Variants in EIF2S3B observed in about 807,000 individuals in gnomAD.
EIF2S3B encodes the protein eukaryotic translation initiation factor 2 subunit gamma B, also known as eukaryotic translation initiation factor 2 subunit 3B.
A neutral mutation model predicts 26.4 loss-of-function variants in EIF2S3B; 16 were observed. The observed-to-expected ratio is 0.61, with a 90% CI of 0.41 to 0.92. The LOEUF (loss-of-function observed/expected upper bound fraction) is 0.92. EIF2S3B is among the 40% of genes least tolerant of loss of function. EIF2S3B has a pLI of 0.00. For synonymous variants in EIF2S3B, 183 were observed against 204.4 expected, an observed-to-expected ratio of 0.90 and a Z score of 0.89; for missense variants, 510 against 575.5, an observed-to-expected ratio of 0.89 and a Z score of 1.16.
chr12:10,509,885 C>A (rs551989121), downstream of EIF2S3B, among the ~76,000 whole-genome samples: 2 of 152,084 alleles, frequency 1.3e-5, no homozygotes, highest in Admixed American at 1.3e-4. Flanking sequence ...TTTATGGGCA[C>A]ATAAAGAACA....
Position 10,507,336 on chromosome 12 carries a change from A to G in EIF2S3B, c.*15A>G. ...ATGATGACTGAAGAATACCGGTTAA[A>G]TAATACATTCGGATGGAGCTGGAAG... On this transcript the variant is annotated 3_prime_UTR_variant, in exon 1 of 1. Transcript: ENST00000538173. 1.4e-5 allele frequency: 23 copies of G among 1,612,448 alleles called. No individual in the cohort carries two copies. The highest frequency in any genetic ancestry group is 2.0e-5 in the Non-Finnish European group (23 of 1,178,428).
chr12:10,516,482 C>CTATT (rs140362362), intron 1 of EIF2S3B, among the ~76,000 whole-genome samples: 21,722 of 152,006 alleles, frequency 0.14, 1,580 homozygotes, highest in Middle Eastern at 0.17. Context: ...ATTAAAATCA[C>CTATT]TATGCTGATC....
At chr12:10,522,318 G>C (rs1422057472) in intron 1 of EIF2S3B, among the ~76,000 whole-genome samples, 2 of 152,106 alleles carry the variant, frequency 1.3e-5, no homozygotes, top group Non-Finnish European at 2.9e-5. Context: ...ATTAGTGACA[G>C]AGTGAGATCC....
chr12:10,516,095 G>T (rs1915325), intron 1 of EIF2S3B, among the ~76,000 whole-genome samples: 1 of 151,510 alleles, frequency 6.6e-6, no homozygotes, highest in Non-Finnish European at 1.5e-5. Context: ...TGTAATCACA[G>T]CTATATGCTC....
At chr12:10,519,373 G>C in intron 1 of EIF2S3B, among the ~76,000 whole-genome samples, 1 of 151,720 alleles carries the variant, frequency 6.6e-6, no homozygotes, top group African/African-American at 2.4e-5. Flanking sequence ...ATGGATTAAA[G>C]ACTTAAACGT....
chr12:10,511,412 C>T (rs897924445), downstream of EIF2S3B, among the ~76,000 whole-genome samples: 3 of 152,074 alleles, frequency 2.0e-5, no homozygotes, highest in Admixed American at 1.3e-4. Flanking sequence ...CTGCATTAAC[C>T]TCTTCAAGTG....
At chr12:10,519,834 G>A (rs1253879194) in intron 1 of EIF2S3B, among the ~76,000 whole-genome samples, 2 of 151,370 alleles carry the variant, frequency 1.3e-5, no homozygotes. Context: ...CAGTTAGAAT[G>A]GCAATCATTA....
chr12:10,517,840 C>T (rs1272413505), intron 1 of EIF2S3B, among the ~76,000 whole-genome samples: 4 of 152,088 alleles, frequency 2.6e-5, no homozygotes, highest in Admixed American at 1.3e-4. Flanking sequence ...CAAAGAACAT[C>T]TTTATTTCTG....
chr12:10,520,177 G>GC (rs1318269803), intron 1 of EIF2S3B, among the ~76,000 whole-genome samples: 2 of 151,504 alleles, frequency 1.3e-5, no homozygotes, highest in Admixed American at 6.6e-5. Context: ...ATACTATGCA[G>GC]CCATAAAAAA....
chr12:10,511,288 G>C (rs189173635), downstream of EIF2S3B, among the ~76,000 whole-genome samples: 1 of 151,962 alleles, frequency 6.6e-6, no homozygotes, highest in East Asian at 1.9e-4. Context: ...TCATGAATGG[G>C]TTTAATGGAA....
chr12:10,519,580 A>G (rs999509844), intron 1 of EIF2S3B, among the ~76,000 whole-genome samples: 49 of 152,046 alleles, frequency 3.2e-4, no homozygotes, highest in Non-Finnish European at 5.6e-4. Flanking sequence ...GCAACCTACA[A>G]AATGGGAGAA....
downstream of EIF2S3B, among the ~76,000 whole-genome samples, chr12:10,512,212 T>G (rs868615870): frequency 6.6e-6 from 1 of 152,164 alleles, no homozygotes; most frequent in Non-Finnish European, 1.5e-5. Flanking sequence ...CTTTATAATT[T>G]TGGCAGGACA....
intron 1 of EIF2S3B, among the ~76,000 whole-genome samples, chr12:10,515,557 G>A (rs1490006862): frequency 1.3e-5 from 2 of 151,918 alleles, no homozygotes; most frequent in Non-Finnish European, 2.9e-5. Flanking sequence ...CCCAGGAATT[G>A]TTGGCAATTA....
At chr12:10,508,525 CAAAAAAAAAAAAAAA>C, downstream of EIF2S3B, among the ~76,000 whole-genome samples, 1 of 62,972 alleles carries the variant, frequency 1.6e-5, no homozygotes, top group South Asian at 7.0e-4. Flanking sequence ...TGTTAGAAAG[CAAAAAAAAAAAAAAA>C]AAAAAAAAAG....
At chr12:10,514,251 T>C (rs1482037275) in intron 1 of EIF2S3B, among the ~76,000 whole-genome samples, 1 of 151,708 alleles carries the variant, frequency 6.6e-6, no homozygotes, top group African/African-American at 2.4e-5. Flanking sequence ...AAATATCATT[T>C]TTTTTTGCTA....
Position 10,508,183 on chromosome 12 carries a change from G to A in EIF2S3B, c.*862G>A, listed in dbSNP as rs12829365. On this transcript the variant is annotated 3_prime_UTR_variant, in exon 1 of 1. Transcript: ENST00000538173. ...ATGAAAAGGATGCACGAATGGGTTC[G>A]AATGAAATTGTCCTTTAGAGCATGA... Among the ~76,000 whole-genome samples, 2 of 152,174 alleles carry A rather than the reference G, an allele frequency of 1.3e-5. No individual in the cohort carries two copies. The highest frequency in any genetic ancestry group is 2.9e-5 in the Non-Finnish European group (2 of 68,006).
downstream of EIF2S3B, among the ~76,000 whole-genome samples, chr12:10,513,346 G>A (rs1420290885): frequency 2.0e-5 from 3 of 152,124 alleles, no homozygotes; most frequent in Non-Finnish European, 4.4e-5. Context: ...CATAAAACTA[G>A]TGGCTATCAG....
At position 10,505,952 on chromosome 12, in the gene EIF2S3B, G is replaced by A. The variant is rs765480041; in HGVS notation, c.50G>A (p.Arg17His). ...GVTLGQPHLS[R>H]QDLTTLDVTK... ...ACTCTGGGGCAGCCGCACCTTTCGC[G>A]TCAGGATCTCACCACCTTGGATGTT... Residue 17 changes from arginine to histidine, a missense_variant, in exon 1 of 1, where the codon CGT (arginine) becomes CAT (histidine). Physicochemically the swap from Arg to His is conservative, Grantham distance 29. Coordinates refer to ENST00000538173, the MANE Select transcript of EIF2S3B (RefSeq NM_001357734.3). The A allele has an allele frequency of 3.7e-6, 6 of 1,603,790 alleles. No individual in the cohort carries two copies. In the African/African-American group the frequency reaches 5.3e-5, roughly 14 times the overall value.
At chr12:10,510,611 A>G (rs1864695155), downstream of EIF2S3B, among the ~76,000 whole-genome samples, 1 of 152,188 alleles carries the variant, frequency 6.6e-6, no homozygotes, top group African/African-American at 2.4e-5. Flanking sequence ...CACTTTACGT[A>G]CTTCACTGCT....
Sources: gnomAD v4.1 joint callset for allele counts (sites outside exome capture counted in the v4.1 genomes callset) on GRCh38, gnomAD v4.1.1 for gene constraint, MANE v1.5 for transcripts, NCBI Gene and HGNC (gene_info 2026-07-23, HGNC 2026-07-21) for gene names.